The following SNHG17 variants were observed in gnomAD, a reference collection of about 807,000 sequenced individuals.
SNHG17 encodes small nucleolar RNA host gene 17 (non-protein coding).
intron 3 of SNHG17, chr20:38,429,652 G>A (rs201296035): frequency 2.1e-5 from 10 of 486,542 alleles, no homozygotes; most frequent in East Asian, 1.2e-4. Context: ...CATCTAAGAC[G>A]TGGTGGGAGG....
intron 3 of SNHG17, chr20:38,429,373 AAG>A: frequency 1.1e-5 from 2 of 190,348 alleles, no homozygotes; most frequent in Non-Finnish European, 2.1e-5. Context: ...GACCACAGCA[AAG>A]AGAGCCAGGA....
At chr20:38,435,262 G>T in exon 1 of SNHG17, 1 of 1,231,932 alleles carries the variant, frequency 8.1e-7, no homozygotes, top group Non-Finnish European at 1.0e-6. Context: ...CAAGATGTCT[G>T]CAGATTTCGA....
chr20:38,423,925 T>G (rs2084201308), intron 5 of SNHG17, among the ~76,000 whole-genome samples: 1 of 152,176 alleles, frequency 6.6e-6, no homozygotes, highest in Non-Finnish European at 1.5e-5. Context: ...CCCAGCACTT[T>G]GGGAGGCTGT....
At chr20:38,426,579 G>A (rs2084252278) in intron 3 of SNHG17, 2 of 145,354 alleles carry the variant, frequency 1.4e-5, no homozygotes, top group South Asian at 2.2e-4. Flanking sequence ...AGGAAAAAGC[G>A]ACCTCTCAAT....
chr20:38,435,224 G>C (rs2084411918), exon 1 of SNHG17: 1 of 1,231,924 alleles, frequency 8.1e-7, no homozygotes, highest in African/African-American at 1.6e-5. Flanking sequence ...AGTGGCGGCG[G>C]AGACCTGACA....
chr20:38,422,685 C>T (rs998558945), intron 5 of SNHG17, among the ~76,000 whole-genome samples: 5 of 152,122 alleles, frequency 3.3e-5, no homozygotes, highest in Non-Finnish European at 5.9e-5. Flanking sequence ...TACTCCCAAT[C>T]GCCAAGATAC....
rs370308973 is a variant in SNHG17 at position 38,425,720 on chromosome 20, A to G, written n.579+215T>C. On this transcript the variant is annotated intron_variant and non_coding_transcript_variant, in intron 5 of 8. Transcript: ENST00000654008. ...AGATGGAAGATCAACTCTGGGTGAA[A>G]TGTTGAGAATTCACTGGATTAGGAA... Among the ~76,000 whole-genome samples, 7 of 152,292 alleles carry G rather than the reference A, an allele frequency of 4.6e-5. 1 individual carries two copies. The highest frequency in any genetic ancestry group is 1.7e-4 in the African/African-American group (7 of 41,558).
At position 38,433,834 on chromosome 20, in the gene SNHG17, A is replaced by G. The variant is rs996286792; in HGVS notation, n.308+670T>C. 33 of 519,108 alleles carry G rather than the reference A, an allele frequency of 6.4e-5. No homozygotes were observed. The Admixed American group carries it at 6.4e-4, about 10-fold the overall frequency. 32.2% of individuals were successfully genotyped at this position (519,108 alleles called of 1,614,324 possible). ...ACTCACTAATAAGACACCAAGTGCC[A>G]GGAGGCATTTGAAAGATGGTGAGAA... On this transcript the variant is annotated intron_variant and non_coding_transcript_variant, in intron 2 of 8. Coordinates refer to ENST00000654008, the Ensembl canonical transcript of SNHG17.
At chr20:38,434,965 C>G in intron 1 of SNHG17, 1 of 1,228,864 alleles carries the variant, frequency 8.1e-7, no homozygotes, top group Non-Finnish European at 1.0e-6. Context: ...GCTGCGCGGA[C>G]AGGGGGTCTG....
chr20:38,428,927 AT>A (rs1414595861), intron 3 of SNHG17: 5 of 152,278 alleles, frequency 3.3e-5, no homozygotes, highest in Admixed American at 6.5e-5. Context: ...GCCAACAGAA[AT>A]GAGTTACCTC....
At chr20:38,425,556 C>A (rs1468481832) in intron 5 of SNHG17, among the ~76,000 whole-genome samples, 2 of 152,162 alleles carry the variant, frequency 1.3e-5, no homozygotes, top group African/African-American at 4.8e-5. Flanking sequence ...GGCTCCAGAT[C>A]CAAAACTTCT....
chr20:38,434,969 G>A, intron 1 of SNHG17: 2 of 1,229,046 alleles, frequency 1.6e-6, no homozygotes, highest in South Asian at 4.3e-5. Context: ...CGCGGACAGG[G>A]GGTCTGACGA....
At chr20:38,434,890 G>A in intron 1 of SNHG17, 3 of 1,216,004 alleles carry the variant, frequency 2.5e-6, no homozygotes, top group Non-Finnish European at 3.1e-6. Context: ...AGTCGGGGGC[G>A]GGCAGCTAAA....
At chr20:38,423,854 C>T (rs1281572536) in intron 5 of SNHG17, among the ~76,000 whole-genome samples, 1 of 152,132 alleles carries the variant, frequency 6.6e-6, no homozygotes, top group African/African-American at 2.4e-5. Context: ...ATGTTGTAAA[C>T]TCAAATATAG....
intron 5 of SNHG17, among the ~76,000 whole-genome samples, chr20:38,423,527 T>C (rs117038554): frequency 0.019 from 2,559 of 136,432 alleles, 43 homozygotes; most frequent in South Asian, 0.06. Flanking sequence ...AAACAGTGCA[T>C]ATCTCACTTA....
At chr20:38,424,544 CAAT>C (rs752996512) in intron 5 of SNHG17, among the ~76,000 whole-genome samples, 20 of 152,214 alleles carry the variant, frequency 1.3e-4, no homozygotes, top group Admixed American at 1.3e-3. Context: ...CACCTTACAA[CAAT>C]GTGTCTTCTC....
exon 1 of SNHG17, chr20:38,435,301 G>A: frequency 2.4e-6 from 3 of 1,231,588 alleles, no homozygotes; most frequent in Non-Finnish European, 3.0e-6. Flanking sequence ...GTGCGATGGC[G>A]AAGGACGGCG....
In SNHG17 at chr20:38,435,245, G is replaced by A. The variant is rs950017850; in HGVS notation, n.137C>T. ...GGCGGAGACCTGACAGACAGCGTGG[G>A]AAAAATCAAGATGTCTGCAGATTTC... On this transcript the variant is annotated non_coding_transcript_exon_variant, in exon 1 of 9. Coordinates refer to ENST00000654008, the Ensembl canonical transcript of SNHG17. 8 of 1,231,870 alleles carry A rather than the reference G, an allele frequency of 6.5e-6. No homozygotes were observed. In the Middle Eastern group the frequency reaches 9.3e-4, roughly 143 times the overall value. The allele number at this position is 1,231,870 out of a possible 1,614,324, so 76.3% of individuals were successfully genotyped here. A position where few individuals can be genotyped will look rare whatever the true frequency, so the allele number is the denominator to read the frequency against.
At chr20:38,428,583 T>C (rs2084287228) in intron 3 of SNHG17, 1 of 152,234 alleles carries the variant, frequency 6.6e-6, no homozygotes, top group Non-Finnish European at 1.5e-5. Flanking sequence ...AGGAATGAAA[T>C]AGCAGCTTAT....
Sources: allele counts gnomAD v4.1 joint callset (sites outside exome capture counted in the v4.1 genomes callset), GRCh38; gene constraint gnomAD v4.1.1; transcripts MANE v1.5; gene names NCBI Gene and HGNC (gene_info 2026-07-23, HGNC 2026-07-21).